PIBF1: variants seen among roughly 807,000 people sequenced by gnomAD.
PIBF1 encodes the protein progesterone immunomodulatory binding factor 1, also known as progesterone-induced-blocking factor 1.
Under a neutral mutation model 112.5 loss-of-function variants are expected in PIBF1, and 90 were observed. The observed-to-expected ratio is 0.80, with a 90% CI of 0.67 to 0.95. The LOEUF is 0.95. Among genes scored for constraint, PIBF1 ranks in the 40% least tolerant of loss-of-function variants. PIBF1 has a pLI of 0.00. For synonymous variants in PIBF1, 301 were observed against 288.6 expected, an observed-to-expected ratio of 1.04 and a Z score of -0.44; for missense variants, 915 against 852.3, an observed-to-expected ratio of 1.07 and a Z score of -0.92.
rs9573054 is a variant in PIBF1, at chr13:72,885,794, G to A, written c.1323-7990G>A. On this transcript the variant is annotated intron_variant, in intron 10 of 17. Coordinates refer to ENST00000326291, the MANE Select transcript of PIBF1 (RefSeq NM_006346.4). ...CAAGTGATTCTGATGGTCCTCCCTG[G>A]TTAGGCTAGGTAAAGTCAACCTCAG... Among the ~76,000 whole-genome samples the A allele has an allele frequency of 4.6e-5, 7 of 152,176 alleles. No individual in the cohort carries two copies. In the East Asian group the frequency reaches 1.2e-3, roughly 25 times the overall value.
chr13:72,958,139 C>T (rs1236630383), intron 14 of PIBF1, among the ~76,000 whole-genome samples: 1 of 151,328 alleles, frequency 6.6e-6, no homozygotes, highest in East Asian at 1.9e-4. Flanking sequence ...AAAAGAATCA[C>T]GTAAGATTCT....
intron 6 of PIBF1, among the ~76,000 whole-genome samples, chr13:72,823,529 A>G (rs752818154): frequency 1.3e-5 from 2 of 152,218 alleles, no homozygotes; most frequent in Non-Finnish European, 2.9e-5. Context: ...AACATCGGTC[A>G]TAAAATATAA....
chr13:72,786,553 C>A (rs1477762167), intron 2 of PIBF1, among the ~76,000 whole-genome samples: 2 of 152,158 alleles, frequency 1.3e-5, no homozygotes, highest in Non-Finnish European at 2.9e-5. Context: ...TTGCTTCCAA[C>A]TCTTATGTAA....
intron 10 of PIBF1, among the ~76,000 whole-genome samples, chr13:72,889,359 A>C (rs1182032117): frequency 3.9e-5 from 6 of 152,054 alleles, no homozygotes; most frequent in African/African-American, 9.7e-5. Context: ...AAGTTTGTCA[A>C]CCTCTGCCCC....
At position 72,899,547 on chromosome 13, in the gene PIBF1, G is replaced by A. The variant is rs190279635; in HGVS notation, c.1488+5598G>A. ...ACACCTCAATAGATGCAGAAACAGC[G>A]TTAGACAAAATCCAGCATCGCTTTA... On this transcript the variant is annotated intron_variant, in intron 11 of 17. Coordinates refer to ENST00000326291, the MANE Select transcript of PIBF1 (RefSeq NM_006346.4). Among the ~76,000 whole-genome samples, 241 of 152,232 alleles carry A rather than the reference G, an allele frequency of 1.6e-3. 1 individual carries two copies. The highest frequency in any genetic ancestry group is 3.4e-3 in the African/African-American group (140 of 41,538).
chr13:72,862,665 A>G (rs1391732467), intron 10 of PIBF1, among the ~76,000 whole-genome samples: 1 of 152,210 alleles, frequency 6.6e-6, no homozygotes, highest in Non-Finnish European at 1.5e-5. Context: ...TATTTGAAAT[A>G]TATGAAATTG....
chr13:72,831,880 A>G (rs1009141317), intron 8 of PIBF1, among the ~76,000 whole-genome samples: 12 of 152,096 alleles, frequency 7.9e-5, no homozygotes, highest in Non-Finnish European at 1.5e-4. Flanking sequence ...ATGAGAGTCT[A>G]AGTCTGTTTG....
At chr13:72,829,281 A>C (rs1350575384) in intron 8 of PIBF1, among the ~76,000 whole-genome samples, 3 of 152,100 alleles carry the variant, frequency 2.0e-5, no homozygotes, top group African/African-American at 7.2e-5. Flanking sequence ...TCTTTAGTTT[A>C]ATTAGATTCC....
intron 9 of PIBF1, among the ~76,000 whole-genome samples, chr13:72,843,395 G>A (rs1303811376): frequency 6.6e-6 from 1 of 152,186 alleles, no homozygotes; most frequent in Non-Finnish European, 1.5e-5. Context: ...TTGGTGATAA[G>A]GCATGGCCAT....
Position 72,928,374 on chromosome 13 carries a change from C to T in PIBF1, c.1731-2791C>T, listed in dbSNP as rs2041597756. On this transcript the variant is annotated intron_variant, in intron 13 of 17. Coordinates refer to ENST00000326291, the MANE Select transcript of PIBF1 (RefSeq NM_006346.4). ...TTTTCCTTACTTGGAATCTCCCAGT[C>T]AAAATCAGGGAAATTCCTTTTTGAA... is the stretch of plus-strand genomic sequence containing the variant. Among the ~76,000 whole-genome samples, 6 of 152,204 alleles carry T rather than the reference C, an allele frequency of 3.9e-5. No homozygotes were observed. The South Asian group carries it at 1.2e-3, about 32-fold the overall frequency.
intron 15 of PIBF1, among the ~76,000 whole-genome samples, chr13:72,966,062 C>A (rs1335359463): frequency 6.6e-6 from 1 of 151,832 alleles, no homozygotes; most frequent in East Asian, 1.9e-4. Flanking sequence ...ACTAGATTTC[C>A]AAGATTATAA....
In PIBF1 at chr13:72,871,825, A is replaced by G. The variant is rs538473664; in HGVS notation, c.1322+17670A>G. On this transcript the variant is annotated intron_variant, in intron 10 of 17. Coordinates refer to ENST00000326291, the MANE Select transcript of PIBF1 (RefSeq NM_006346.4). Reference sequence around the variant, plus strand: ...AAGCCCAACTAATAACATAGTCATAATTTTATTTCCTGTTAGCTACTAGCC... The same window carrying G: ...AAGCCCAACTAATAACATAGTCATAGTTTTATTTCCTGTTAGCTACTAGCC... 9.2e-5 allele frequency among the ~76,000 whole-genome samples: 14 copies of G among 152,236 alleles called. No individual in the cohort carries two copies. The South Asian group carries it at 2.9e-3, about 32-fold the overall frequency.
At chr13:72,964,819 T>G (rs553399249) in intron 14 of PIBF1, among the ~76,000 whole-genome samples, 12 of 152,296 alleles carry the variant, frequency 7.9e-5, no homozygotes, top group African/African-American at 2.4e-4. Flanking sequence ...TCCCCGCACT[T>G]TGGGAGGCTG....
In PIBF1 at chr13:72,788,933, T is replaced by G. The variant is rs553214973; in HGVS notation, c.253-3514T>G. Among the ~76,000 whole-genome samples the G allele has an allele frequency of 2.6e-5, 4 of 152,326 alleles. 1 individual carries two copies. Among genetic ancestry groups the G allele is most frequent in the African/African-American group, 9.6e-5 (4 of 41,574 alleles). ...CTTTATTATAGTTTGTTACTAGGAATAGTCTTGGCCGTATTGATTTGAATT... is the reference window on the plus strand; with the variant it reads ...CTTTATTATAGTTTGTTACTAGGAAGAGTCTTGGCCGTATTGATTTGAATT... On this transcript the variant is annotated intron_variant, in intron 2 of 17. Coordinates refer to ENST00000326291, the MANE Select transcript of PIBF1 (RefSeq NM_006346.4).
At position 72,845,573 on chromosome 13, in the gene PIBF1, T is replaced by C. The variant is rs114487414; in HGVS notation, c.1224-8484T>C. ...GTCAAATGTTATTTCTTCTTGTAGA[T>C]CCTTGAGGAATCGCTACACTGTCTT... On this transcript the variant is annotated intron_variant, in intron 9 of 17. Coordinates refer to ENST00000326291, the MANE Select transcript of PIBF1 (RefSeq NM_006346.4). 2.8e-3 allele frequency among the ~76,000 whole-genome samples: 423 copies of C among 152,308 alleles called. 1 individual carries two copies. Among genetic ancestry groups the C allele is most frequent in the African/African-American group, 9.8e-3 (408 of 41,558 alleles).
chr13:72,860,324 T>C (rs1373804149), intron 10 of PIBF1, among the ~76,000 whole-genome samples: 2 of 150,784 alleles, frequency 1.3e-5, no homozygotes, highest in South Asian at 4.2e-4. Flanking sequence ...TGTGTGTGTG[T>C]GTGTGTGTGT....
intron 13 of PIBF1, among the ~76,000 whole-genome samples, chr13:72,922,238 A>G (rs1334357330): frequency 3.9e-5 from 6 of 152,030 alleles, no homozygotes; most frequent in Non-Finnish European, 7.4e-5. Context: ...TCAGCCTCCC[A>G]AAGTCCTGGA....
chr13:72,943,371 G>T (rs1452093406), intron 14 of PIBF1, among the ~76,000 whole-genome samples: 2 of 152,098 alleles, frequency 1.3e-5, no homozygotes, highest in Non-Finnish European at 2.9e-5. Flanking sequence ...CTAATACAAA[G>T]AAATGACAAA....
chr13:72,910,364 C>G (rs1566436841), intron 12 of PIBF1, among the ~76,000 whole-genome samples: 1 of 152,122 alleles, frequency 6.6e-6, no homozygotes, highest in Non-Finnish European at 1.5e-5. Context: ...TATCTTTCTG[C>G]TTTCATATCT....
Sources: gnomAD v4.1 joint callset for allele counts (sites outside exome capture counted in the v4.1 genomes callset) on GRCh38, gnomAD v4.1.1 for gene constraint, MANE v1.5 for transcripts, NCBI Gene and HGNC (gene_info 2026-07-23, HGNC 2026-07-21) for gene names.